NEK1: variants seen among roughly 807,000 people sequenced by gnomAD.
NEK1 encodes serine/threonine-protein kinase Nek1.
A neutral mutation model predicts 182.1 loss-of-function variants in NEK1; 137 were observed. That is an observed-to-expected ratio of 0.75 (90% confidence interval 0.65 to 0.87). NEK1 has a LOEUF of 0.87. Among genes scored for constraint, NEK1 ranks in the 40% least tolerant of loss-of-function variants. The pLI is 0.00. For missense variants in NEK1, 1,391 were observed against 1,494.4 expected (o/e 0.93, Z 1.14); for synonymous variants, 513 against 492.2 (o/e 1.04, Z -0.56).
chr4:169,408,714 C>CAT (rs1733083512), intron 31 of NEK1, among the ~76,000 whole-genome samples: 1 of 152,166 alleles, frequency 6.6e-6, no homozygotes, highest in Non-Finnish European at 1.5e-5. Flanking sequence ...TCAATGAGAA[C>CAT]ATACGCTATT....
intron 27 of NEK1, among the ~76,000 whole-genome samples, chr4:169,458,421 T>C (rs1743316137): frequency 6.6e-6 from 1 of 151,982 alleles, no homozygotes; most frequent in Admixed American, 6.6e-5. Context: ...ATAAATCACA[T>C]AACTAAATAT....
intron 27 of NEK1, among the ~76,000 whole-genome samples, chr4:169,441,377 C>A (rs1285360546): frequency 6.6e-6 from 1 of 152,236 alleles, no homozygotes; most frequent in Non-Finnish European, 1.5e-5. Flanking sequence ...GGAGATCGAT[C>A]TGCCCCATGC....
At chr4:169,512,226 A>G (rs1354183049) in intron 19 of NEK1, among the ~76,000 whole-genome samples, 1 of 152,154 alleles carries the variant, frequency 6.6e-6, no homozygotes, top group Admixed American at 6.5e-5. Context: ...ATCATTTTAC[A>G]TTCCAAACAA....
At position 169,556,029 on chromosome 4, in the gene NEK1, G is replaced by A. The variant is rs1762116127; in HGVS notation, c.1333C>T (p.His445Tyr). The A allele has an allele frequency of 1.2e-6, 2 of 1,613,660 alleles. No individual in the cohort carries two copies. Among genetic ancestry groups the A allele is most frequent in the East Asian group, 2.2e-5 (1 of 44,866 alleles). Residue 445 changes from histidine (H) to tyrosine (Y), a missense_variant, in exon 17 of 36, where the codon CAT becomes TAT. His to Tyr is a moderately conservative substitution (Grantham distance 83). Around this residue, in one of 5 missense-constraint regions of NEK1, gnomAD observed 1,216 missense variants for 1,277.6 expected, o/e 0.95. Coordinates refer to ENST00000507142, the MANE Select transcript of NEK1 (RefSeq NM_001199397.3). ...SSFSSRGQYEHYHAIFDQMQQ... is the reference protein window; with the variant it reads ...SSFSSRGQYEYYHAIFDQMQQ... ...ATTTGGTCAAAAATGGCATGGTAAT[G>A]TTCATACTGTCCTCGAGAAGAAAAA...
intron 29 of NEK1, among the ~76,000 whole-genome samples, chr4:169,433,301 C>A (rs1487678048): frequency 3.3e-5 from 5 of 152,210 alleles, no homozygotes; most frequent in Admixed American, 6.5e-5. Flanking sequence ...CTCAAGTGAT[C>A]TGCCCGCCTC....
At chr4:169,397,487 A>AT (rs33929867) in intron 35 of NEK1, among the ~76,000 whole-genome samples, 40,604 of 151,538 alleles carry the variant, frequency 0.27, 5,612 homozygotes, top group South Asian at 0.37. Flanking sequence ...GCTGTACTCA[A>AT]TTTTTTTTTA....
intron 27 of NEK1, among the ~76,000 whole-genome samples, chr4:169,446,775 T>C (rs528296565): frequency 1.7e-4 from 26 of 152,250 alleles, no homozygotes; most frequent in African/African-American, 5.5e-4. Flanking sequence ...TACTGATGAA[T>C]GCATAAGAGT....
chr4:169,563,016 C>G (rs1027144413), intron 12 of NEK1, among the ~76,000 whole-genome samples: 2 of 151,780 alleles, frequency 1.3e-5, no homozygotes, highest in African/African-American at 4.8e-5. Flanking sequence ...AATTTTGATT[C>G]CTTTCTTTCA....
chr4:169,426,064 A>G (rs1736331713), intron 30 of NEK1, 82 bp downstream of exon 30: 1 of 993,314 alleles, frequency 1.0e-6, no homozygotes, highest in Non-Finnish European at 1.5e-6. Context: ...TCTTATTTAT[A>G]TATTACCCAA....
chr4:169,595,439 G>T (rs1769274273), intron 5 of NEK1, among the ~76,000 whole-genome samples: 1 of 152,134 alleles, frequency 6.6e-6, no homozygotes, highest in South Asian at 2.1e-4. Context: ...GAATTCAGAA[G>T]CAAATAGTTT....
intron 32 of NEK1, among the ~76,000 whole-genome samples, chr4:169,404,552 T>C (rs899301966): frequency 1.3e-5 from 2 of 152,136 alleles, no homozygotes; most frequent in Non-Finnish European, 2.9e-5. Context: ...AAGGTAAAAG[T>C]AAAAAGCAGA....
chr4:169,459,092 A>G (rs970579977), intron 27 of NEK1, among the ~76,000 whole-genome samples: 4 of 152,126 alleles, frequency 2.6e-5, no homozygotes, highest in Admixed American at 1.3e-4. Flanking sequence ...AGCATTTCAG[A>G]TAAGAGATAC....
Position 169,602,554 on chromosome 4 carries a change from T to A in NEK1, c.77A>T (p.Asp26Val), listed in dbSNP as rs749503943. ...TTCCTTGATAACATACTGTCTGCCA[T>A]CTTCTGTAGATTTAACAAGAATGGC... The part of the protein sequence containing the change: ...GKAILVKSTE[D>V]GRQYVIKEIN... The change falls in exon 3 of 36, where the codon GAT becomes GTT. Residue 26 changes from aspartate to valine, a missense_variant. This residue lies in a region of NEK1 where 42 missense variants were observed against 47.9 expected (regional missense o/e 0.88). Coordinates refer to ENST00000507142, the MANE Select transcript of NEK1 (RefSeq NM_001199397.3). 3 of 1,607,176 alleles carry A rather than the reference T, an allele frequency of 1.9e-6. No individual in the cohort carries two copies. Among genetic ancestry groups the A allele is most frequent in the Non-Finnish European group, 2.6e-6 (3 of 1,174,408 alleles).
At position 169,569,513 on chromosome 4, in the gene NEK1, CTCTT is replaced by C. The variant is rs1236516463; in HGVS notation, c.1021-7321_1021-7318del. Among the ~76,000 whole-genome samples, 129 of 149,468 alleles carry C rather than the reference CTCTT, an allele frequency of 8.6e-4. 1 individual carries two copies. The highest frequency in any genetic ancestry group is 3.0e-3 in the African/African-American group (122 of 40,600). ...CTCTCCCCATGGTCTCCCTCTCCCT[CTCTT>C]TCCACAGTCTCCCTCTGATGCCGAG... On this transcript the variant is annotated intron_variant, in intron 12 of 35. Transcript: ENST00000507142.
Position 169,433,076 on chromosome 4 carries a change from T to C in NEK1, c.2885+469A>G, listed in dbSNP as rs1054500317. 4.6e-5 allele frequency among the ~76,000 whole-genome samples: 7 copies of C among 152,148 alleles called. No homozygotes were observed. In the East Asian group the frequency reaches 7.7e-4, roughly 17 times the overall value. On this transcript the variant is annotated intron_variant, in intron 29 of 35. Transcript: ENST00000507142. ...CACCGTGCCTGGCCCACTTTATTTT[T>C]TGTGAGACAGTCTTGCTCTGTAGCC...
At chr4:169,453,151 C>T (rs575507392) in intron 27 of NEK1, among the ~76,000 whole-genome samples, 16 of 151,996 alleles carry the variant, frequency 1.1e-4, no homozygotes, top group South Asian at 2.1e-4. Context: ...CACTGCTCAA[C>T]GAAATAAAAG....
At chr4:169,574,562 G>T (rs1765390555) in intron 12 of NEK1, among the ~76,000 whole-genome samples, 1 of 151,046 alleles carries the variant, frequency 6.6e-6, no homozygotes, top group African/African-American at 2.4e-5. Context: ...AGCTGAGATT[G>T]TGCCACTGCA....
intron 5 of NEK1, among the ~76,000 whole-genome samples, chr4:169,596,239 C>T (rs932594474): frequency 1.3e-5 from 2 of 152,128 alleles, no homozygotes; most frequent in Admixed American, 1.3e-4. Flanking sequence ...AGACAGAAAT[C>T]AATTCTGTAA....
chr4:169,565,292 C>T (rs917727707), intron 12 of NEK1, among the ~76,000 whole-genome samples: 2 of 152,176 alleles, frequency 1.3e-5, no homozygotes, highest in Non-Finnish European at 2.9e-5. Context: ...AATATCTTCA[C>T]TATATGTATA....
Sources: gnomAD v4.1 joint callset for allele counts (sites outside exome capture counted in the v4.1 genomes callset) on GRCh38, gnomAD v4.1.1 for gene constraint, gnomAD v4.1.1 regional missense constraint, MANE v1.5 for transcripts, NCBI Gene and HGNC (gene_info 2026-07-23, HGNC 2026-07-21) for gene names.